Variants in MATR3 observed in about 807,000 individuals in gnomAD.
The protein encoded by MATR3 is matrin-3.
A neutral mutation model predicts 85.5 loss-of-function variants in MATR3; 4 were observed. The observed-to-expected ratio is 0.05, with a 90% CI of 0.02 to 0.11. MATR3 has a LOEUF of 0.11. MATR3 is among the 10% of genes least tolerant of loss of function. MATR3 has a pLI of 1.00. For synonymous variants in MATR3, 336 were observed against 343.1 expected (o/e 0.98, Z 0.23); for missense variants, 685 against 1,016.1 (o/e 0.67, Z 4.43).
chr5:139,287,868 A>G (rs1403708361), intron 3 of MATR3, among the ~76,000 whole-genome samples: 1 of 152,114 alleles, frequency 6.6e-6, no homozygotes, highest in African/African-American at 2.4e-5. Context: ...CTTTTCCATC[A>G]TTGTAGAATG....
At position 139,317,663 on chromosome 5, in the gene MATR3, A is replaced by T; in HGVS notation, c.1250A>T (p.Gln417Leu). ...RGKNLRYQLLQLVEPFGVISN... is the reference protein window; with the variant it reads ...RGKNLRYQLLLLVEPFGVISN... ...AAAAACTTGAGATACCAGCTATTAC[A>T]GCTGGTAGAACCATTTGGAGTCATT... is the stretch of plus-strand genomic sequence containing the variant. The change falls in exon 7 of 15, where the codon CAG becomes CTG. Residue 417 changes from glutamine (Q) to leucine (L), a missense_variant. Coordinates refer to ENST00000394805, the MANE Select transcript of MATR3 (RefSeq NM_018834.6). 6.2e-7 allele frequency: 1 copy of T among 1,611,498 alleles called. No homozygotes were observed. Among genetic ancestry groups the T allele is most frequent in the Non-Finnish European group, 8.5e-7 (1 of 1,179,454 alleles).
Position 139,322,783 on chromosome 5 carries a change from A to C in MATR3, c.1964A>C (p.Glu655Ala), listed in dbSNP as rs1375377614. 1 of 1,614,102 alleles carries C rather than the reference A, an allele frequency of 6.2e-7. No individual in the cohort carries two copies. The highest frequency in any genetic ancestry group is 1.7e-5 in the Admixed American group (1 of 59,996). The change falls in exon 12 of 15, where the codon GAA (glutamate) becomes GCA (alanine). Residue 655 changes from glutamate (E) to alanine (A), a missense_variant. Glu to Ala is a moderately radical substitution (Grantham distance 107, BLOSUM62 -1). This residue lies in a region of MATR3 where 215 missense variants were observed against 194.7 expected (regional missense o/e 1.10). Transcript: ENST00000394805. ...GAACCTAATATGCTTCTTGAATCTG[A>C]AGATGAGCTACTTGTAGATGAAGAA... is the stretch of plus-strand genomic sequence containing the variant. ...EQEPNMLLES[E>A]DELLVDEEEA...
intron 2 of MATR3, among the ~76,000 whole-genome samples, chr5:139,308,556 C>G (rs1754820628): frequency 6.6e-6 from 1 of 152,190 alleles, no homozygotes; most frequent in Non-Finnish European, 1.5e-5. Flanking sequence ...CTATCATCCA[C>G]TGAGATTATC....
chr5:139,330,866 T>C lies in MATR3; in HGVS notation c.*1471T>C. ...AGACTGGAGTGCAGTGGCACAGTTC[T>C]CTGCAACCTCAGCCTTTGGGCTCAA... On this transcript the variant is annotated 3_prime_UTR_variant, in exon 15 of 15. Transcript: ENST00000394805. 2.2e-6 allele frequency: 1 copy of C among 453,904 alleles called. No individual in the cohort carries two copies. The highest frequency in any genetic ancestry group is 1.6e-5 in the South Asian group (1 of 64,434). 28.1% of individuals were successfully genotyped at this position (453,904 alleles called of 1,614,324 possible).
Position 139,274,246 on chromosome 5 carries a change from C to T in MATR3, c.-287+85C>T, listed in dbSNP as rs571119556. 4.8e-4 allele frequency: 169 copies of T among 355,716 alleles called. 2 individuals carry two copies. Among genetic ancestry groups the T allele is most frequent in the African/African-American group, 3.1e-3 (147 of 46,754 alleles). 22.0% of individuals were successfully genotyped at this position (355,716 alleles called of 1,614,324 possible). ...GTGCAGGGTGGCTTCTGCCGGGGCA[C>T]GGGACGAAATTGGGGTTCGTCCCCT... is the stretch of plus-strand genomic sequence containing the variant. On this transcript the variant is annotated intron_variant, in intron 1 of 16. Transcript: ENST00000509990.
At chr5:139,315,583 C>A in intron 3 of MATR3, 114 bp from the exon 4 acceptor site, 1 of 735,250 alleles carries the variant, frequency 1.4e-6, no homozygotes, top group Non-Finnish European at 2.5e-6. Flanking sequence ...GTTTCTAACA[C>A]TTAGACTCTC....
chr5:139,326,326 A>AAGTT (rs1224174524), intron 14 of MATR3, 42 bp downstream of exon 14: 4 of 1,602,850 alleles, frequency 2.5e-6, no homozygotes, highest in Non-Finnish European at 3.4e-6. Context: ...AAAACTTAAC[A>AAGTT]AGTTATGGAA....
At chr5:139,301,789 T>G (rs1422081067) in intron 1 of MATR3, among the ~76,000 whole-genome samples, 1 of 152,248 alleles carries the variant, frequency 6.6e-6, no homozygotes, top group African/African-American at 2.4e-5. Flanking sequence ...AGTTCTAATC[T>G]GAAACTATTT....
chr5:139,300,860 C>T (rs1204803903), intron 1 of MATR3, among the ~76,000 whole-genome samples: 1 of 151,974 alleles, frequency 6.6e-6, no homozygotes, highest in East Asian at 1.9e-4. Context: ...GTTGCCCAGG[C>T]TGGAGTGCAA....
upstream of MATR3, among the ~76,000 whole-genome samples, chr5:139,289,416 T>C (rs185368082): frequency 2.2e-4 from 33 of 152,232 alleles, no homozygotes; most frequent in South Asian, 3.3e-3. Flanking sequence ...CAAGACCCCA[T>C]CTCTAAATAT....
chr5:139,326,632 C>G (rs948344381), intron 14 of MATR3, among the ~76,000 whole-genome samples: 1 of 151,972 alleles, frequency 6.6e-6, no homozygotes, highest in Non-Finnish European at 1.5e-5. Context: ...TGTTGGCTAG[C>G]CTGGCTGGTC....
At chr5:139,319,166 C>A in intron 8 of MATR3, 133 bp downstream of exon 8, 1 of 1,267,476 alleles carries the variant, frequency 7.9e-7, no homozygotes, top group Non-Finnish European at 1.1e-6. Context: ...CCTTGGGAGG[C>A]CAAGGTCAGA....
chr5:139,300,521 C>T (rs1754383378), intron 1 of MATR3, among the ~76,000 whole-genome samples: 1 of 152,090 alleles, frequency 6.6e-6, no homozygotes, highest in African/African-American at 2.4e-5. Context: ...GTCCTTTTGC[C>T]TCTAAAAGTT....
Position 139,330,234 on chromosome 5 carries a change from G to A in MATR3, c.*839G>A, listed in dbSNP as rs1756071151. On this transcript the variant is annotated 3_prime_UTR_variant, in exon 15 of 15. Coordinates refer to ENST00000394805, the MANE Select transcript of MATR3 (RefSeq NM_018834.6). Reference sequence around the variant, plus strand: ...ATTTCTGCATTTTTAAAACAGTTTGGCCATAATCCTAGATGCACGCTTCTA... The same window carrying A: ...ATTTCTGCATTTTTAAAACAGTTTGACCATAATCCTAGATGCACGCTTCTA... 2 of 453,976 alleles carry A rather than the reference G, an allele frequency of 4.4e-6. No homozygotes were observed. The highest frequency in any genetic ancestry group is 4.7e-5 in the Admixed American group (2 of 42,516). The allele number at this position is 453,976 out of a possible 1,614,324, so 28.1% of individuals were successfully genotyped here.
At chr5:139,325,711 A>C in intron 13 of MATR3, 49 bp downstream of exon 13, 1 of 1,482,512 alleles carries the variant, frequency 6.7e-7, no homozygotes, top group Non-Finnish European at 9.4e-7. Context: ...CCTCAAAACA[A>C]ACTCTTAGGT....
At chr5:139,274,119 C>G (rs1455988739) in exon 1 of MATR3, 1 of 448,324 alleles carries the variant, frequency 2.2e-6, no homozygotes, top group African/African-American at 2.0e-5. Flanking sequence ...CCTCCGGCCT[C>G]TGCCGGTGCT....
upstream of MATR3, among the ~76,000 whole-genome samples, chr5:139,292,708 G>A (rs1237180816): frequency 6.6e-6 from 1 of 152,218 alleles, no homozygotes; most frequent in East Asian, 1.9e-4. Context: ...GGGAGGCCGA[G>A]GCGGGCGGAT....
intron 2 of MATR3, 151 bp from the exon 3 acceptor site, chr5:139,314,524 T>C (rs1013556712): frequency 3.0e-6 from 2 of 674,338 alleles, no homozygotes; most frequent in African/African-American, 3.6e-5. Flanking sequence ...AGAGAAATGG[T>C]TTTAAATTAA....
intron 14 of MATR3, among the ~76,000 whole-genome samples, chr5:139,327,193 A>G (rs1426244477): frequency 6.6e-6 from 1 of 152,206 alleles, no homozygotes; most frequent in Non-Finnish European, 1.5e-5. Flanking sequence ...CTGCTTTATA[A>G]TAAGTTAACT....
Sources: gnomAD v4.1 joint callset for allele counts (sites outside exome capture counted in the v4.1 genomes callset) on GRCh38, gnomAD v4.1.1 for gene constraint, gnomAD v4.1.1 regional missense constraint, MANE v1.5 for transcripts, NCBI Gene and HGNC (gene_info 2026-07-23, HGNC 2026-07-21) for gene names.